CCDC192: variants seen among roughly 807,000 people sequenced by gnomAD.
CCDC192 encodes coiled-coil domain-containing protein 192.
intron 3 of CCDC192, among the ~76,000 whole-genome samples, chr5:127,775,781 A>G (rs1755823935): frequency 6.6e-6 from 1 of 152,214 alleles, no homozygotes; most frequent in Non-Finnish European, 1.5e-5. Flanking sequence ...CGGTTCCCCC[A>G]TACTGTCCTT....
chr5:127,866,252 A>G (rs1303601840), intron 5 of CCDC192, among the ~76,000 whole-genome samples: 1 of 152,008 alleles, frequency 6.6e-6, no homozygotes, highest in Non-Finnish European at 1.5e-5. Context: ...ATTACCTTTC[A>G]AGTAAAAGAG....
chr5:127,779,258 A>T (rs747165845), intron 3 of CCDC192, among the ~76,000 whole-genome samples: 87 of 152,182 alleles, frequency 5.7e-4, no homozygotes, highest in Admixed American at 1.4e-3. Flanking sequence ...TACATTTTAT[A>T]TGTGCATATA....
intron 2 of CCDC192, among the ~76,000 whole-genome samples, chr5:127,727,389 T>G (rs1752389573): frequency 6.6e-6 from 1 of 151,888 alleles, no homozygotes. Context: ...GGAGAATCAC[T>G]TGAACCCAGG....
chr5:127,717,174 A>G (rs1751671060), intron 2 of CCDC192, among the ~76,000 whole-genome samples: 2 of 152,208 alleles, frequency 1.3e-5, no homozygotes, highest in Non-Finnish European at 2.9e-5. Context: ...ACTTCAGGGA[A>G]GTAAAATATT....
intron 5 of CCDC192, among the ~76,000 whole-genome samples, chr5:127,850,768 C>A (rs1470587716): frequency 6.6e-6 from 1 of 152,138 alleles, no homozygotes; most frequent in Non-Finnish European, 1.5e-5. Flanking sequence ...GAGTTCAAGA[C>A]CAGCTTGGCC....
chr5:127,786,130 A>G, intron 3 of CCDC192: 1 of 1,075,804 alleles, frequency 9.3e-7, no homozygotes, highest in Admixed American at 1.9e-5. Context: ...TAAATTCTGA[A>G]GTTCTGTGTG....
At chr5:127,772,876 T>A (rs1755644358) in intron 3 of CCDC192, among the ~76,000 whole-genome samples, 1 of 152,162 alleles carries the variant, frequency 6.6e-6, no homozygotes, top group Non-Finnish European at 1.5e-5. Context: ...AAATAGATGA[T>A]CAGTATCTGC....
intron 2 of CCDC192, among the ~76,000 whole-genome samples, chr5:127,723,655 C>A (rs748474237): frequency 1.3e-5 from 2 of 152,214 alleles, no homozygotes; most frequent in Non-Finnish European, 2.9e-5. Context: ...GTTACTTAAT[C>A]TAGCCTTTCT....
chr5:127,834,074 G>A (rs1267522709), intron 5 of CCDC192, among the ~76,000 whole-genome samples: 1 of 152,102 alleles, frequency 6.6e-6, no homozygotes, highest in Admixed American at 6.6e-5. Flanking sequence ...CTAAAAGCAG[G>A]ACATAAATTG....
At chr5:127,822,512 T>C (rs1749339079) in intron 5 of CCDC192, among the ~76,000 whole-genome samples, 1 of 151,922 alleles carries the variant, frequency 6.6e-6, no homozygotes, top group African/African-American at 2.4e-5. Flanking sequence ...AAATATCAGA[T>C]GGTTAAATGG....
intron 2 of CCDC192, among the ~76,000 whole-genome samples, chr5:127,729,456 ATCATAGT>A (rs1752515829): frequency 2.0e-5 from 3 of 152,134 alleles, no homozygotes; most frequent in Non-Finnish European, 4.4e-5. Context: ...CAGATCACAG[ATCATAGT>A]GACAGAACAC....
chr5:127,902,967 A>G (rs1753084000), intron 6 of CCDC192, among the ~76,000 whole-genome samples: 1 of 152,174 alleles, frequency 6.6e-6, no homozygotes, highest in South Asian at 2.1e-4. Context: ...GCTTAAACAA[A>G]AAAGGGAATG....
intron 3 of CCDC192, chr5:127,785,410 T>A (rs1010842866): frequency 1.1e-5 from 4 of 379,920 alleles, no homozygotes; most frequent in Non-Finnish European, 2.1e-5. Flanking sequence ...CTCACACCAG[T>A]GTCTTGAAAC....
intron 2 of CCDC192, among the ~76,000 whole-genome samples, chr5:127,730,438 G>A (rs1752578769): frequency 6.6e-6 from 1 of 152,082 alleles, no homozygotes; most frequent in Non-Finnish European, 1.5e-5. Flanking sequence ...AATTCTACCA[G>A]AGGTACAAAA....
chr5:127,877,342 T>C, intron 6 of CCDC192, among the ~76,000 whole-genome samples: 1 of 106,850 alleles, frequency 9.4e-6, no homozygotes, highest in Non-Finnish European at 2.0e-5. Flanking sequence ...CATTATTCTC[T>C]TTATTTTTGT....
intron 3 of CCDC192, among the ~76,000 whole-genome samples, chr5:127,790,368 A>C (rs1756796639): frequency 6.6e-6 from 1 of 152,230 alleles, no homozygotes. Flanking sequence ...TTTTGGGTAC[A>C]TATAATATTT....
intron 2 of CCDC192, among the ~76,000 whole-genome samples, chr5:127,719,522 T>C (rs867932994): frequency 0.018 from 876 of 49,430 alleles, 51 homozygotes; most frequent in African/African-American, 0.059. Flanking sequence ...TATATATATA[T>C]ATACACACAT....
intron 5 of CCDC192, among the ~76,000 whole-genome samples, chr5:127,809,155 T>C (rs1757946951): frequency 6.6e-6 from 1 of 152,168 alleles, no homozygotes; most frequent in Admixed American, 6.6e-5. Context: ...AACTATAATG[T>C]TTAATTTAAC....
intron 5 of CCDC192, among the ~76,000 whole-genome samples, chr5:127,845,612 C>G (rs1382484229): frequency 6.6e-6 from 1 of 152,130 alleles, no homozygotes; most frequent in Non-Finnish European, 1.5e-5. Flanking sequence ...TGTCATCAAG[C>G]AAATCATTTC....
Sources: gnomAD v4.1 joint callset for allele counts (sites outside exome capture counted in the v4.1 genomes callset) on GRCh38, gnomAD v4.1.1 for gene constraint, MANE v1.5 for transcripts, NCBI Gene and HGNC (gene_info 2026-07-23, HGNC 2026-07-21) for gene names.